Variants in GRHL2 observed in about 807,000 individuals in gnomAD.
The protein encoded by GRHL2 is grainyhead-like protein 2 homolog.
In GRHL2, 21 loss-of-function variants were observed where a neutral mutation model predicts 83.8. The ratio of observed to expected loss-of-function variants is 0.25; its 90% CI spans 0.18 to 0.36. The LOEUF is 0.36. Among genes scored for constraint, GRHL2 ranks in the 10% least tolerant of loss-of-function variants. GRHL2 has a pLI of 1.00. For synonymous variants in GRHL2, 280 were observed against 278.9 expected (o/e 1.00, Z -0.04); for missense variants, 623 against 781.8 (o/e 0.80, Z 2.42).
At chr8:101,597,671 G>C (rs1812418684) in intron 7 of GRHL2, among the ~76,000 whole-genome samples, 1 of 148,470 alleles carries the variant, frequency 6.7e-6, no homozygotes, top group African/African-American at 2.5e-5. Context: ...CACACATCCG[G>C]GTCTGTTGTG....
intron 1 of GRHL2, among the ~76,000 whole-genome samples, chr8:101,506,601 A>G (rs188949771): frequency 6.6e-6 from 1 of 152,180 alleles, no homozygotes; most frequent in South Asian, 2.1e-4. Flanking sequence ...TTGACTTTTC[A>G]GTATAATAAA....
At chr8:101,636,806 A>T in intron 11 of GRHL2, 91 bp from the exon 12 acceptor site, 1 of 1,088,242 alleles carries the variant, frequency 9.2e-7, no homozygotes, top group Non-Finnish European at 1.4e-6. Context: ...TTTAAGAGAC[A>T]GTTTATGCCT....
chr8:101,540,381 A>G (rs191173247), intron 1 of GRHL2, among the ~76,000 whole-genome samples: 4 of 152,348 alleles, frequency 2.6e-5, no homozygotes, highest in African/African-American at 9.6e-5. Flanking sequence ...AGTGCCTAAC[A>G]GTATGGTAGT....
chr8:101,672,854 C>G (rs1447430745), downstream of GRHL2, among the ~76,000 whole-genome samples: 1 of 151,914 alleles, frequency 6.6e-6, no homozygotes, highest in Non-Finnish European at 1.5e-5. Flanking sequence ...CAGCTGATCT[C>G]TCGGCAGAAA....
rs1378222318 is a variant in GRHL2, at chr8:101,667,796, G to A, written c.*1093G>A. On this transcript the variant is annotated 3_prime_UTR_variant, in exon 16 of 16. Coordinates refer to ENST00000646743, the MANE Select transcript of GRHL2 (RefSeq NM_024915.4). ...GGTTTGCCATCAGGGCCCTGTGGCT[G>A]GGTCTGCTGCAGAGCTCCTTGGCTA... 2.0e-5 allele frequency: 3 copies of A among 152,836 alleles called. No individual in the cohort carries two copies. The highest frequency in any genetic ancestry group is 4.4e-5 in the Non-Finnish European group (3 of 68,176). 9.5% of individuals were successfully genotyped at this position (152,836 alleles called of 1,614,324 possible).
chr8:101,533,925 G>A (rs1810989415), intron 1 of GRHL2, among the ~76,000 whole-genome samples: 1 of 152,156 alleles, frequency 6.6e-6, no homozygotes, highest in African/African-American at 2.4e-5. Context: ...GGGGGACCTG[G>A]TAGGTCATTG....
In GRHL2 at chr8:101,652,267, CATATT is replaced by C. The variant is rs145371582; in HGVS notation, c.1698+2773_1698+2777del. 2.3e-3 allele frequency among the ~76,000 whole-genome samples: 354 copies of C among 150,760 alleles called. 2 individuals carry two copies. Among genetic ancestry groups the C allele is most frequent in the Middle Eastern group, 0.01 (3 of 294 alleles). On this transcript the variant is annotated intron_variant, in intron 14 of 15. Transcript: ENST00000646743. ...TATAATATAAATATACACAATATGA[CATATT>C]ATATATCTATATTGGTATATACAAA...
At position 101,668,670 on chromosome 8, in the gene GRHL2, G is replaced by C. The variant is rs573761165; in HGVS notation, c.*1967G>C. 2.0e-5 allele frequency: 3 copies of C among 152,554 alleles called. No homozygotes were observed. The South Asian group carries it at 6.2e-4, about 32-fold the overall frequency. The allele number at this position is 152,554 out of a possible 1,614,324, so 9.5% of individuals were successfully genotyped here. ...CCCTCCAGGGTACTAATGGGGCTCT[G>C]TTCTGAGATGGACAAATTCAGTGTT... On this transcript the variant is annotated 3_prime_UTR_variant, in exon 16 of 16. Transcript: ENST00000646743.
At chr8:101,579,821 A>C (rs1272158487) in intron 7 of GRHL2, among the ~76,000 whole-genome samples, 1 of 152,162 alleles carries the variant, frequency 6.6e-6, no homozygotes, top group Non-Finnish European at 1.5e-5. Context: ...GATATTGAGA[A>C]GGTTTCTGAG....
At chr8:101,494,416 A>G (rs970084856) in intron 1 of GRHL2, among the ~76,000 whole-genome samples, 2 of 152,196 alleles carry the variant, frequency 1.3e-5, no homozygotes, top group Non-Finnish European at 2.9e-5. Flanking sequence ...CCGGAGGGGA[A>G]GAACTAGCGT....
At chr8:101,506,660 G>C (rs1810346212) in intron 1 of GRHL2, among the ~76,000 whole-genome samples, 1 of 152,078 alleles carries the variant, frequency 6.6e-6, no homozygotes, top group South Asian at 2.1e-4. Flanking sequence ...CTGTAGAATA[G>C]ATTTCTGGAA....
chr8:101,555,019 T>C (rs1262086221), intron 3 of GRHL2, among the ~76,000 whole-genome samples: 1 of 152,260 alleles, frequency 6.6e-6, no homozygotes, highest in Non-Finnish European at 1.5e-5. Flanking sequence ...TACAATTCCA[T>C]ATCTTGCTTA....
intron 1 of GRHL2, among the ~76,000 whole-genome samples, chr8:101,527,314 C>G (rs895696604): frequency 4.6e-5 from 7 of 152,178 alleles, no homozygotes; most frequent in African/African-American, 1.4e-4. Context: ...ATGTATTACT[C>G]TCCTTACGTA....
chr8:101,552,002 A>AT (rs1420511945), intron 2 of GRHL2, among the ~76,000 whole-genome samples: 4 of 151,692 alleles, frequency 2.6e-5, no homozygotes, highest in African/African-American at 7.3e-5. Context: ...CGCCCAGCTA[A>AT]TTTTTTGTAT....
chr8:101,568,820 C>T (rs1811767642), intron 4 of GRHL2, among the ~76,000 whole-genome samples: 1 of 152,034 alleles, frequency 6.6e-6, no homozygotes, highest in Non-Finnish European at 1.5e-5. Flanking sequence ...ATTATTTGGG[C>T]AATGTTCCTG....
chr8:101,585,252 T>C (rs532917117), intron 7 of GRHL2, among the ~76,000 whole-genome samples: 6 of 152,340 alleles, frequency 3.9e-5, no homozygotes, highest in African/African-American at 1.4e-4. Flanking sequence ...ACAGATTTGC[T>C]CTCTCCCTAC....
intron 15 of GRHL2, 76 bp downstream of exon 15, chr8:101,664,594 C>A: frequency 9.2e-7 from 1 of 1,083,830 alleles, no homozygotes; most frequent in East Asian, 2.4e-5. Flanking sequence ...AAAATGATGC[C>A]TGTCTTTTGT....
At chr8:101,558,316 C>A in intron 3 of GRHL2, 103 bp from the exon 4 acceptor site, 1 of 1,354,738 alleles carries the variant, frequency 7.4e-7, no homozygotes, top group Non-Finnish European at 1.1e-6. Context: ...CCCTTAATGG[C>A]ATTAACATCC....
At chr8:101,616,379 C>T (rs1377131671) in intron 8 of GRHL2, among the ~76,000 whole-genome samples, 1 of 151,996 alleles carries the variant, frequency 6.6e-6, no homozygotes, top group Admixed American at 6.6e-5. Flanking sequence ...CCATGTTGGC[C>T]GGGCTGGTCT....
Sources: allele counts gnomAD v4.1 joint callset (sites outside exome capture counted in the v4.1 genomes callset), GRCh38; gene constraint gnomAD v4.1.1; transcripts MANE v1.5; gene names NCBI Gene and HGNC (gene_info 2026-07-23, HGNC 2026-07-21).